The following ARMC2 variants were observed in gnomAD, a reference collection of about 807,000 sequenced individuals.
The protein encoded by ARMC2 is armadillo repeat containing 2, also known as armadillo repeat-containing protein 2.
Under a neutral mutation model 90.3 loss-of-function variants are expected in ARMC2, and 67 were observed. The observed-to-expected ratio is 0.74, with a 90% CI of 0.61 to 0.91. The LOEUF is 0.91. Among genes scored for constraint, ARMC2 ranks in the 40% least tolerant of loss-of-function variants. The probability of loss-of-function intolerance (pLI) is 0.00; values close to 1 mark genes in which losing one functional copy is unlikely to be tolerated. For missense variants in ARMC2, 920 were observed against 1,030.9 expected, an observed-to-expected ratio of 0.89 and a Z score of 1.47; for synonymous variants, 393 against 393.0, an observed-to-expected ratio of 1.00 and a Z score of 0.00.
the ARMC2 span, among the ~76,000 whole-genome samples, chr6:108,981,943 A>AG: frequency 6.6e-6 from 1 of 152,190 alleles, no homozygotes; most frequent in Non-Finnish European, 1.5e-5. Context: ...CTGGGATTAC[A>AG]GGTGTGAGCC....
chr6:108,924,760 G>C (rs1774951032), intron 10 of ARMC2, among the ~76,000 whole-genome samples: 1 of 152,240 alleles, frequency 6.6e-6, no homozygotes, highest in South Asian at 2.1e-4. Context: ...GGAGGCCTTT[G>C]AGCAGGGAAG....
At chr6:108,994,964 A>T in the ARMC2 span, among the ~76,000 whole-genome samples, 1 of 152,150 alleles carries the variant, frequency 6.6e-6, no homozygotes, top group African/African-American at 2.4e-5. Context: ...TCGGCCTTCC[A>T]AAGTGCTGGG....
intron 8 of ARMC2, chr6:108,907,477 T>TTTTTTTTTTTTTTTTTTA (rs58992504): frequency 3.0e-6 from 1 of 330,244 alleles, no homozygotes; most frequent in Non-Finnish European, 5.2e-6. Context: ...TTTTTTTTTT[T>TTTTTTTTTTTTTTTTTTA]ACCAGTCATC....
At chr6:108,952,072 G>T (rs571878956) in intron 12 of ARMC2, among the ~76,000 whole-genome samples, 1 of 152,192 alleles carries the variant, frequency 6.6e-6, no homozygotes. Flanking sequence ...AAATGGCATA[G>T]TGCCTGGCAC....
At chr6:108,886,120 T>G (rs952450039) in intron 5 of ARMC2, among the ~76,000 whole-genome samples, 1 of 152,258 alleles carries the variant, frequency 6.6e-6, no homozygotes, top group African/African-American at 2.4e-5. Flanking sequence ...AAATTTTCTC[T>G]TATCCATAAG....
At chr6:108,893,890 T>C (rs1187632815) in intron 5 of ARMC2, among the ~76,000 whole-genome samples, 1 of 152,200 alleles carries the variant, frequency 6.6e-6, no homozygotes, top group Non-Finnish European at 1.5e-5. Context: ...TGGTGGCATG[T>C]GCCTGTAATC....
the ARMC2 span, among the ~76,000 whole-genome samples, chr6:109,006,080 G>C: frequency 1.3e-3 from 201 of 152,282 alleles, 1 homozygote; most frequent in African/African-American, 4.7e-3. Flanking sequence ...AATAGCAGCA[G>C]CAGCAGCTAA....
chr6:108,867,610 C>CA (rs908027694), intron 3 of ARMC2, among the ~76,000 whole-genome samples: 92 of 146,122 alleles, frequency 6.3e-4, no homozygotes, highest in Admixed American at 1.4e-3. Flanking sequence ...CTACTAAATA[C>CA]AAAAAAAAAA....
chr6:108,988,971 T>C, the ARMC2 span, among the ~76,000 whole-genome samples: 2 of 152,116 alleles, frequency 1.3e-5, no homozygotes, highest in Non-Finnish European at 2.9e-5. Context: ...AGCAATAGTG[T>C]ATATCTGCAA....
intron 5 of ARMC2, among the ~76,000 whole-genome samples, chr6:108,878,529 C>A (rs529456113): frequency 8.5e-5 from 13 of 152,188 alleles, no homozygotes; most frequent in South Asian, 8.3e-4. Context: ...TAATTGTATA[C>A]CCTCATTTAT....
In ARMC2 at chr6:108,928,236, A is replaced by G; in HGVS notation, c.1496+3A>G. ...ACCAATATTGCCAGAATATTCAGGT[A>G]GGTAGACTAAGACGTGAAGTAGCCT... On this transcript the variant is annotated splice_donor_region_variant and intron_variant, in intron 11 of 17. Coordinates refer to ENST00000392644, the MANE Select transcript of ARMC2 (RefSeq NM_032131.6). The G allele has an allele frequency of 1.3e-6, 2 of 1,494,460 alleles. No homozygotes were observed. The highest frequency in any genetic ancestry group is 1.4e-5 in the South Asian group (1 of 70,542). The allele number at this position is 1,494,460 out of a possible 1,614,324, so 92.6% of individuals were successfully genotyped here. A position where few individuals can be genotyped will look rare whatever the true frequency, so the allele number is the denominator to read the frequency against.
Position 108,912,348 on chromosome 6 carries a change from G to T in ARMC2, c.1140G>T (p.Glu380Asp). 1 of 1,599,406 alleles carries T rather than the reference G, an allele frequency of 6.3e-7. No individual in the cohort carries two copies. Among genetic ancestry groups the T allele is most frequent in the Non-Finnish European group, 8.5e-7 (1 of 1,173,334 alleles). ...QNDSILESLL[E>D]VLRSEDLQTN... ...TCTTTTTGACAGAATCATTATTGGAGGTACTAAGAAGTGAAGACCTGCAAA... is the reference window on the plus strand; with the variant it reads ...TCTTTTTGACAGAATCATTATTGGATGTACTAAGAAGTGAAGACCTGCAAA... Residue 380 changes from glutamate (E) to aspartate (D), a missense_variant, in exon 10 of 18, where the codon GAG becomes GAT. Physicochemically the swap from Glu to Asp is conservative, Grantham distance 45. Transcript: ENST00000392644.
At chr6:108,879,975 T>G in intron 5 of ARMC2, 1 of 469,400 alleles carries the variant, frequency 2.1e-6, no homozygotes, top group South Asian at 1.6e-5. Context: ...AAAGCCTTAC[T>G]AATAAACTAT....
At chr6:108,983,964 G>T in the ARMC2 span, among the ~76,000 whole-genome samples, 1 of 152,214 alleles carries the variant, frequency 6.6e-6, no homozygotes, top group East Asian at 1.9e-4. Context: ...ACAGCAGGAG[G>T]TGAGTTGTGG....
the ARMC2 span, among the ~76,000 whole-genome samples, chr6:109,033,519 C>T: frequency 2.0e-5 from 3 of 152,112 alleles, no homozygotes; most frequent in Non-Finnish European, 4.4e-5. Context: ...TGTTTTTATT[C>T]CATAATGTCC....
rs539945947 is a variant in ARMC2 at position 108,950,137 on chromosome 6, C to T, written c.1597-2896C>T. 2.0e-5 allele frequency among the ~76,000 whole-genome samples: 3 copies of T among 152,160 alleles called. 1 individual carries two copies. In the South Asian group the frequency reaches 6.2e-4, roughly 32 times the overall value. ...AGAAGAATCACTTGAACACAGGATGCGGAGGTTGCTGTGAGCTGAGATTGC... is the reference window on the plus strand; with the variant it reads ...AGAAGAATCACTTGAACACAGGATGTGGAGGTTGCTGTGAGCTGAGATTGC... On this transcript the variant is annotated intron_variant, in intron 12 of 17. Coordinates refer to ENST00000392644, the MANE Select transcript of ARMC2 (RefSeq NM_032131.6).
At chr6:109,044,291 G>T in the ARMC2 span, among the ~76,000 whole-genome samples, 1 of 98,466 alleles carries the variant, frequency 1.0e-5, no homozygotes, top group East Asian at 3.6e-4. Context: ...CAGCCTAGAT[G>T]ACACAGTGAG....
chr6:109,020,611 C>T, the ARMC2 span, among the ~76,000 whole-genome samples: 2 of 151,910 alleles, frequency 1.3e-5, no homozygotes, highest in Non-Finnish European at 2.9e-5. Flanking sequence ...TTATTTCTAT[C>T]ACTCAATACA....
the ARMC2 span, among the ~76,000 whole-genome samples, chr6:109,008,184 C>A: frequency 6.6e-6 from 1 of 152,150 alleles, no homozygotes; most frequent in African/African-American, 2.4e-5. Flanking sequence ...TAGATCTGAG[C>A]AAGAACCAGG....
Sources: allele counts gnomAD v4.1 joint callset (sites outside exome capture counted in the v4.1 genomes callset), GRCh38; gene constraint gnomAD v4.1.1; transcripts MANE v1.5; gene names NCBI Gene and HGNC (gene_info 2026-07-23, HGNC 2026-07-21).